FSTL4: variants seen among roughly 807,000 people sequenced by gnomAD.
FSTL4 encodes follistatin like 4.
In FSTL4, 28 loss-of-function variants were observed where a neutral mutation model predicts 78.2. The observed-to-expected ratio is 0.36, with a 90% CI of 0.27 to 0.49. FSTL4 has a LOEUF of 0.49. FSTL4 is among the 20% of genes least tolerant of loss of function. The pLI is 0.98. For synonymous variants in FSTL4, 422 were observed against 440.5 expected (o/e 0.96, Z 0.53); for missense variants, 922 against 1,084.9 (o/e 0.85, Z 2.11).
the FSTL4 span, among the ~76,000 whole-genome samples, chr5:133,621,419 A>AAAACAAC: frequency 7.2e-5 from 11 of 152,286 alleles, no homozygotes; most frequent in East Asian, 2.1e-3. Flanking sequence ...CAAAAAACAA[A>AAAACAAC]AAACAAAAAC....
chr5:133,297,578 T>A (rs1753428612), intron 6 of FSTL4, among the ~76,000 whole-genome samples: 2 of 152,210 alleles, frequency 1.3e-5, no homozygotes. Flanking sequence ...GAGATAATGT[T>A]AAGCTGCTTA....
At chr5:133,582,400 G>A (rs1580804015) in intron 2 of FSTL4, among the ~76,000 whole-genome samples, 1 of 152,204 alleles carries the variant, frequency 6.6e-6, no homozygotes, top group Non-Finnish European at 1.5e-5. Flanking sequence ...AGAGCTGAGA[G>A]AGGAGGGCAA....
chr5:133,693,738 T>C, the FSTL4 span, among the ~76,000 whole-genome samples: 1 of 152,314 alleles, frequency 6.6e-6, no homozygotes, highest in Non-Finnish European at 1.5e-5. Flanking sequence ...GGCTGGGAAG[T>C]CCAAGATCAA....
At chr5:133,470,901 T>C (rs1458560485) in intron 3 of FSTL4, among the ~76,000 whole-genome samples, 1 of 151,724 alleles carries the variant, frequency 6.6e-6, no homozygotes, top group Non-Finnish European at 1.5e-5. Flanking sequence ...GAATAAAATA[T>C]ATAGAACAGA....
chr5:133,366,252 C>T (rs35353331), intron 4 of FSTL4, among the ~76,000 whole-genome samples: 30,236 of 152,110 alleles, frequency 0.2, 3,130 homozygotes, highest in East Asian at 0.34. Context: ...ATGCAGCTCT[C>T]ATCTCAAATG....
chr5:133,484,997 G>A lies in FSTL4; in HGVS notation c.160+82189C>T, dbSNP rs553507764. On this transcript the variant is annotated intron_variant, in intron 3 of 15. Transcript: ENST00000265342. ...GCTCAATTCAGGCATGGTTTGAAGG[G>A]TAACTTCAGCCAAAGAACTTTCTAG... 3.2e-4 allele frequency among the ~76,000 whole-genome samples: 48 copies of A among 152,268 alleles called. No homozygotes were observed. In the Middle Eastern group the frequency reaches 0.01, roughly 32 times the overall value.
At chr5:133,396,474 CAG>C (rs1473081007) in intron 4 of FSTL4, among the ~76,000 whole-genome samples, 3 of 152,200 alleles carry the variant, frequency 2.0e-5, no homozygotes, top group Non-Finnish European at 4.4e-5. Context: ...ACTGCTCCAG[CAG>C]AGTTACACTA....
At chr5:133,766,014 C>T in the FSTL4 span, among the ~76,000 whole-genome samples, 2 of 152,154 alleles carry the variant, frequency 1.3e-5, no homozygotes. Flanking sequence ...TATTTTCAAA[C>T]ACCTACCAGA....
chr5:133,801,997 T>C, the FSTL4 span, among the ~76,000 whole-genome samples: 2 of 151,260 alleles, frequency 1.3e-5, no homozygotes. Context: ...TACTGTGCCC[T>C]TCTCAAGGGA....
chr5:133,516,129 T>G (rs1449660856), intron 3 of FSTL4, among the ~76,000 whole-genome samples: 1 of 152,178 alleles, frequency 6.6e-6, no homozygotes, highest in African/African-American at 2.4e-5. Context: ...AATGAACCAC[T>G]TAGGAGCAAT....
the FSTL4 span, among the ~76,000 whole-genome samples, chr5:133,678,540 GA>G: frequency 1.3e-5 from 2 of 150,540 alleles, no homozygotes; most frequent in East Asian, 3.9e-4. Context: ...AAGCCTGGGA[GA>G]GGGGCAGGTC....
chr5:133,829,461 C>T, the FSTL4 span, among the ~76,000 whole-genome samples: 3 of 152,218 alleles, frequency 2.0e-5, no homozygotes, highest in African/African-American at 7.2e-5. Context: ...CCAAACAGCT[C>T]TTCCTTCCCT....
chr5:133,728,947 C>A, the FSTL4 span, among the ~76,000 whole-genome samples: 1 of 152,130 alleles, frequency 6.6e-6, no homozygotes, highest in Non-Finnish European at 1.5e-5. Context: ...AGGAATAAAT[C>A]GGCCCAAGAA....
intron 8 of FSTL4, among the ~76,000 whole-genome samples, chr5:133,228,030 T>C (rs73273895): frequency 0.033 from 4,951 of 152,170 alleles, 199 homozygotes; most frequent in African/African-American, 0.086. Flanking sequence ...TGTTCGAGAC[T>C]AGCCTGGGCA....
intron 4 of FSTL4, among the ~76,000 whole-genome samples, chr5:133,368,970 C>T (rs1034229657): frequency 1.3e-5 from 2 of 152,232 alleles, no homozygotes; most frequent in African/African-American, 4.8e-5. Context: ...GATTTTCCAG[C>T]AGACGGTGCT....
Position 133,221,891 on chromosome 5 carries a change from GTTTTTTTTTTTTTT to G in FSTL4, c.1340-1039_1340-1026del, listed in dbSNP as rs59400068. Among the ~76,000 whole-genome samples, 226 of 43,346 alleles carry G rather than the reference GTTTTTTTTTTTTTT, an allele frequency of 5.2e-3. 2 individuals are homozygous for G. Among genetic ancestry groups the G allele is most frequent in the South Asian group, 0.028 (25 of 884 alleles). 28.4% of individuals were successfully genotyped at this position (43,346 alleles called of 152,430 possible). A position where few individuals can be genotyped will look rare whatever the true frequency, so the allele number is the denominator to read the frequency against. On this transcript the variant is annotated intron_variant, in intron 11 of 15. Transcript: ENST00000265342. ...AATATGTAGAAAAATCTCTTTTCTA[GTTTTTTTTTTTTTT>G]TTTTTTTTTTTTTTTTTTTTTTAGC... is the stretch of plus-strand genomic sequence containing the variant.
chr5:133,827,056 T>C, the FSTL4 span, among the ~76,000 whole-genome samples: 1 of 152,178 alleles, frequency 6.6e-6, no homozygotes, highest in Non-Finnish European at 1.5e-5. Flanking sequence ...ACTTTGTGGG[T>C]CCGTAAAGAC....
the FSTL4 span, among the ~76,000 whole-genome samples, chr5:133,748,787 G>T: frequency 6.6e-6 from 1 of 152,130 alleles, no homozygotes; most frequent in Non-Finnish European, 1.5e-5. Flanking sequence ...CCTTCCTAAG[G>T]TGGGGGCAGC....
chr5:133,699,348 C>G, the FSTL4 span, among the ~76,000 whole-genome samples: 1 of 152,104 alleles, frequency 6.6e-6, no homozygotes, highest in Non-Finnish European at 1.5e-5. Flanking sequence ...GGCACTCCCC[C>G]TCTGCTATAA....
Sources: allele counts gnomAD v4.1 joint callset (sites outside exome capture counted in the v4.1 genomes callset), GRCh38; gene constraint gnomAD v4.1.1; transcripts MANE v1.5; gene names NCBI Gene and HGNC (gene_info 2026-07-23, HGNC 2026-07-21).